The following ANKMY1 variants were observed in gnomAD, a reference collection of about 807,000 sequenced individuals.
ANKMY1 encodes ankyrin repeat and MYND domain containing 1, also known as ankyrin repeat and MYND domain-containing protein 1.
Under a neutral mutation model 102.0 loss-of-function variants are expected in ANKMY1, and 98 were observed. That is an observed-to-expected ratio of 0.96 (90% CI 0.82 to 1.14). The LOEUF is 1.14. Among genes scored for constraint, ANKMY1 ranks in the 50% most tolerant of loss-of-function variants. ANKMY1 has a pLI of 0.00. For missense variants in ANKMY1, 1,330 were observed against 1,347.6 expected (o/e 0.99, Z 0.20); for synonymous variants, 582 against 559.9 (o/e 1.04, Z -0.56).
chr2:240,473,268 G>A, the ANKMY1 span, among the ~76,000 whole-genome samples: 1 of 149,260 alleles, frequency 6.7e-6, no homozygotes, highest in African/African-American at 2.5e-5. Context: ...AGATAACTGA[G>A]ACAACCAAAA....
intron 4 of ANKMY1, among the ~76,000 whole-genome samples, chr2:240,535,987 A>G (rs1270593203): frequency 2.0e-5 from 3 of 152,262 alleles, no homozygotes; most frequent in Non-Finnish European, 4.4e-5. Context: ...TCTGGGTCAT[A>G]AAGCAAGTCT....
At position 240,523,929 on chromosome 2, in the gene ANKMY1, G is replaced by C; in HGVS notation, c.1788C>G (p.Ser596Arg). ...KMASPSPCTSSFDKGTMRRMA... is the reference protein window; with the variant it reads ...KMASPSPCTSRFDKGTMRRMA... ...TCCTCCGCATGGTCCCTTTGTCGAA[G>C]CTGCTGGTGCACGGTGAGGGCGAGG... is the stretch of plus-strand genomic sequence containing the variant. The change falls in exon 8 of 18, where the codon AGC becomes AGG. Residue 596 changes from serine to arginine, a missense_variant. Ser to Arg is a moderately radical substitution (Grantham distance 110, BLOSUM62 -1). Coordinates refer to ENST00000401804, the MANE Select transcript of ANKMY1 (RefSeq NM_001282771.3). 2 of 1,613,770 alleles carry C rather than the reference G, an allele frequency of 1.2e-6. No individual in the cohort carries two copies. The highest frequency in any genetic ancestry group is 1.7e-6 in the Non-Finnish European group (2 of 1,180,028).
At chr2:240,492,140 A>C (rs562346838) in intron 15 of ANKMY1, among the ~76,000 whole-genome samples, 4 of 152,224 alleles carry the variant, frequency 2.6e-5, no homozygotes, top group Admixed American at 2.6e-4. Flanking sequence ...CTACAGGTGC[A>C]TGCCATGACA....
At chr2:240,495,298 A>AC (rs2077106618) in intron 15 of ANKMY1, among the ~76,000 whole-genome samples, 1 of 152,134 alleles carries the variant, frequency 6.6e-6, no homozygotes, top group African/African-American at 2.4e-5. Context: ...ACTCTACTCC[A>AC]CCACCTCTTG....
chr2:240,549,646 A>G (rs1205146993), intron 4 of ANKMY1, among the ~76,000 whole-genome samples: 1 of 152,246 alleles, frequency 6.6e-6, no homozygotes, highest in African/African-American at 2.4e-5. Context: ...AGAATCTACA[A>G]TGAACTCAAA....
chr2:240,523,613 GCCA>G, intron 8 of ANKMY1: 1 of 535,194 alleles, frequency 1.9e-6, no homozygotes, highest in East Asian at 3.3e-5. Context: ...AGTGCCAAAG[GCCA>G]AAGCAGGGCT....
In ANKMY1 at chr2:240,499,836, CCCAGCCCCAG is replaced by C; in HGVS notation, c.2806+112_2806+121del. ...GACACAAAGGGGACAAGCCGACGAG[CCCAGCCCCAG>C]GAAGGCCCCTCCAAGAGCCCCAGGG... On this transcript the variant is annotated intron_variant, in intron 15 of 17. Transcript: ENST00000401804. This position sits in a 1 kb window ranked among gnomAD's most constrained non-coding sequence, Gnocchi z 4.2. 7.7e-7 allele frequency: 1 copy of C among 1,304,444 alleles called. No homozygotes were observed. The highest frequency in any genetic ancestry group is 2.8e-5 in the Admixed American group (1 of 35,832). 80.8% of individuals were successfully genotyped at this position (1,304,444 alleles called of 1,614,324 possible). A position where few individuals can be genotyped will look rare whatever the true frequency, so the allele number is the denominator to read the frequency against.
chr2:240,532,853 C>T (rs746480749), intron 4 of ANKMY1, among the ~76,000 whole-genome samples: 67 of 152,292 alleles, frequency 4.4e-4, no homozygotes, highest in South Asian at 1.5e-3. Flanking sequence ...TACAGGTGCA[C>T]GCCATCATGC....
At chr2:240,544,452 T>C (rs1024633062) in intron 4 of ANKMY1, among the ~76,000 whole-genome samples, 8 of 152,230 alleles carry the variant, frequency 5.3e-5, no homozygotes, top group African/African-American at 1.4e-4. Context: ...TGGAGAAGTT[T>C]GGCTAATTAA....
At chr2:240,560,680 G>A (rs778407054), upstream of ANKMY1, 1 of 1,515,228 alleles carries the variant, frequency 6.6e-7, no homozygotes, top group Admixed American at 2.2e-5. Flanking sequence ...TCTTCGGCGG[G>A]CGCCATGGGA....
Position 240,520,216 on chromosome 2 carries a change from C to T in ANKMY1, c.2004+146G>A. ...GAGCGGGCTGTGGGACCCCCCACTG[C>T]GGCGCGCCGTCATCACTCACAGCCC... On this transcript the variant is annotated intron_variant, in intron 9 of 17. Transcript: ENST00000401804. The surrounding 1 kb of genome is among the most constrained non-coding windows in gnomAD (Gnocchi z 4.8). The T allele has an allele frequency of 4.1e-6, 5 of 1,231,586 alleles. No individual in the cohort carries two copies. Among genetic ancestry groups the T allele is most frequent in the Non-Finnish European group, 5.8e-6 (5 of 859,046 alleles). 76.3% of individuals were successfully genotyped at this position (1,231,586 alleles called of 1,614,324 possible). A position where few individuals can be genotyped will look rare whatever the true frequency, so the allele number is the denominator to read the frequency against.
intron 17 of ANKMY1, among the ~76,000 whole-genome samples, chr2:240,480,642 C>T (rs2075272350): frequency 6.6e-6 from 1 of 151,910 alleles, no homozygotes; most frequent in Non-Finnish European, 1.5e-5. Context: ...CAGTGAAGCT[C>T]CCAGGTGTCA....
In ANKMY1 at chr2:240,509,383, G is replaced by A. The variant is rs2079695461; in HGVS notation, c.2359C>T (p.Pro787Ser). 1 of 1,613,682 alleles carries A rather than the reference G, an allele frequency of 6.2e-7. No homozygotes were observed. Among genetic ancestry groups the A allele is most frequent in the Non-Finnish European group, 8.5e-7 (1 of 1,179,800 alleles). ...NPNLLWSGHS[P>S]LSLSIASGNE... ...CCACTGGCAATGGACAGGGAGAGCG[G>A]GGAGTGGCCACTCCACAGCAGGTTA... Residue 787 changes from proline to serine, a missense_variant, in exon 12 of 18, where the codon CCG becomes TCG. Pro to Ser is a moderately conservative substitution (Grantham distance 74, BLOSUM62 -1). Coordinates refer to ENST00000401804, the MANE Select transcript of ANKMY1 (RefSeq NM_001282771.3).
chr2:240,524,755 A>G (rs1488090016), intron 7 of ANKMY1, among the ~76,000 whole-genome samples: 1 of 152,276 alleles, frequency 6.6e-6, no homozygotes, highest in Admixed American at 6.5e-5. Context: ...TTTTTAATAC[A>G]TTAGGCTAAA....
At chr2:240,473,141 A>G in the ANKMY1 span, among the ~76,000 whole-genome samples, 1 of 142,872 alleles carries the variant, frequency 7.0e-6, no homozygotes, top group Admixed American at 7.1e-5. Context: ...AAAAAAAAAC[A>G]AAAAAAACCA....
At chr2:240,559,339 G>C (rs976758035), upstream of ANKMY1, among the ~76,000 whole-genome samples, 13 of 152,152 alleles carry the variant, frequency 8.5e-5, no homozygotes, top group African/African-American at 3.1e-4. Context: ...CATTTCAGTG[G>C]CCCAACAGTG....
chr2:240,479,632 T>A lies in ANKMY1; in HGVS notation c.3070A>T (p.Arg1024Trp), dbSNP rs750273209. Residue 1024 changes from arginine (R) to tryptophan (W), a missense_variant, in exon 18 of 18, where the codon AGG becomes TGG. By Grantham distance (101) the Arg-to-Trp change is moderately radical (BLOSUM62 -3). Transcript: ENST00000401804. The stretch of plus-strand genomic sequence containing the variant: ...CTTCACTGGAATTCTTCTCTCCTCC[T>A]GGAAACTTGCTCCAGTTGTGTCACT... The part of the protein sequence containing the change: ...AIVTQLEQVS[R>W]RREEFQ 6.2e-7 allele frequency: 1 copy of A among 1,613,706 alleles called. No homozygotes were observed. The highest frequency in any genetic ancestry group is 1.1e-5 in the South Asian group (1 of 91,070).
intron 17 of ANKMY1, 97 bp from the exon 18 acceptor site, chr2:240,479,752 A>G: frequency 9.2e-7 from 1 of 1,083,786 alleles, no homozygotes; most frequent in Non-Finnish European, 1.4e-6. Context: ...GGGGCGGCTG[A>G]GGACTGTGCT....
Position 240,512,582 on chromosome 2 carries a change from C to T in ANKMY1, c.2145+220G>A, listed in dbSNP as rs193078917. ...ACTGCCTGAATAATCAAGTTCTTAACTCATTCCAATCAACAATTTTTGCCT... is the reference window on the plus strand; with the variant it reads ...ACTGCCTGAATAATCAAGTTCTTAATTCATTCCAATCAACAATTTTTGCCT... On this transcript the variant is annotated intron_variant, in intron 10 of 17. Coordinates refer to ENST00000401804, the MANE Select transcript of ANKMY1 (RefSeq NM_001282771.3). 3.6e-3 allele frequency among the ~76,000 whole-genome samples: 551 copies of T among 152,390 alleles called. 2 individuals carry two copies. Among genetic ancestry groups the T allele is most frequent in the Non-Finnish European group, 6.2e-3 (422 of 68,044 alleles).
Sources: allele counts gnomAD v4.1 joint callset (sites outside exome capture counted in the v4.1 genomes callset), GRCh38; gene constraint gnomAD v4.1.1; non-coding constraint Gnocchi (gnomAD v3.1); transcripts MANE v1.5; gene names NCBI Gene and HGNC (gene_info 2026-07-23, HGNC 2026-07-21).